The following CUEDC1 variants were observed in gnomAD, a reference collection of about 807,000 sequenced individuals.
The protein encoded by CUEDC1 is CUE domain containing 1.
A neutral mutation model predicts 43.7 loss-of-function variants in CUEDC1; 30 were observed. The observed-to-expected ratio is 0.69, with a 90% CI of 0.51 to 0.93. The LOEUF (loss-of-function observed/expected upper bound fraction) is 0.93. Among genes scored for constraint, CUEDC1 ranks in the 40% least tolerant of loss-of-function variants. The pLI is 0.00. For missense variants in CUEDC1, 486 were observed against 549.0 expected, an observed-to-expected ratio of 0.89 and a Z score of 1.15; for synonymous variants, 223 against 223.6, an observed-to-expected ratio of 1.00 and a Z score of 0.02.
intron 1 of CUEDC1, among the ~76,000 whole-genome samples, chr17:57,925,430 C>G (rs8082319): frequency 0.25 from 37,352 of 151,918 alleles, 4,950 homozygotes; most frequent in African/African-American, 0.34. Flanking sequence ...CAAGCCAGTG[C>G]GGTACCCTTC....
chr17:57,884,868 C>T (rs1242037687), intron 2 of CUEDC1, among the ~76,000 whole-genome samples: 1 of 152,232 alleles, frequency 6.6e-6, no homozygotes, highest in East Asian at 1.9e-4. Context: ...CTAGCGGACT[C>T]TACGCCTGAT....
In CUEDC1 at chr17:57,897,654, G is replaced by GAA. The variant is rs58748550; in HGVS notation, c.-315-11777_-315-11776dup. ...CACTGCACTCCAGCCTGGTCTCAATGAAAAAAAAAAAAAAAAAAAGTTTTT... is the reference window on the plus strand; with the variant it reads ...CACTGCACTCCAGCCTGGTCTCAATGAAAAAAAAAAAAAAAAAAAAAGTTTTT... On this transcript the variant is annotated intron_variant, in intron 1 of 10. Coordinates refer to ENST00000577830, the MANE Select transcript of CUEDC1 (RefSeq NM_001271875.2). Among the ~76,000 whole-genome samples the GAA allele has an allele frequency of 5.6e-4, 61 of 109,580 alleles. No homozygotes were observed. In the South Asian group the frequency reaches 5.6e-3, roughly 10 times the overall value. The allele number at this position is 109,580 out of a possible 152,430, so 71.9% of individuals were successfully genotyped here.
At chr17:57,872,164 G>A (rs772344362) in intron 5 of CUEDC1, among the ~76,000 whole-genome samples, 1 of 152,228 alleles carries the variant, frequency 6.6e-6, no homozygotes, top group Non-Finnish European at 1.5e-5. Flanking sequence ...AGGCAGCCAG[G>A]CTAGGGAGCA....
chr17:57,934,220 C>T (rs2074837347), intron 1 of CUEDC1, among the ~76,000 whole-genome samples: 1 of 151,984 alleles, frequency 6.6e-6, no homozygotes, highest in African/African-American at 2.4e-5. Context: ...GGTGAAAGCC[C>T]GTCTCTACTA....
intron 1 of CUEDC1, among the ~76,000 whole-genome samples, chr17:57,899,143 C>T (rs917999224): frequency 2.0e-5 from 3 of 152,142 alleles, no homozygotes; most frequent in Admixed American, 6.5e-5. Flanking sequence ...GGCTGGGAGG[C>T]CGCCCGCCTC....
chr17:57,933,759 A>G (rs1423684353), intron 1 of CUEDC1, among the ~76,000 whole-genome samples: 8 of 152,174 alleles, frequency 5.3e-5, no homozygotes, highest in African/African-American at 1.2e-4. Context: ...CGGATGCTGC[A>G]TTCCCCAGGC....
intron 1 of CUEDC1, among the ~76,000 whole-genome samples, chr17:57,900,502 A>C (rs538141229): frequency 6.6e-6 from 1 of 152,266 alleles, no homozygotes; most frequent in Non-Finnish European, 1.5e-5. Context: ...TTAAACAGAA[A>C]CCTGCCCTCA....
intron 1 of CUEDC1, among the ~76,000 whole-genome samples, chr17:57,887,054 C>A (rs2074299931): frequency 6.6e-6 from 1 of 152,122 alleles, no homozygotes; most frequent in Non-Finnish European, 1.5e-5. Context: ...ATCTCCTGAC[C>A]TCGTGATCTG....
chr17:57,911,154 C>A (rs1175841550), intron 1 of CUEDC1, among the ~76,000 whole-genome samples: 1 of 152,180 alleles, frequency 6.6e-6, no homozygotes, highest in African/African-American at 2.4e-5. Flanking sequence ...TGGCCTCCAC[C>A]CCCAGAGTTC....
intron 1 of CUEDC1, among the ~76,000 whole-genome samples, chr17:57,940,753 C>CA (rs2074909817): frequency 6.6e-6 from 1 of 152,154 alleles, no homozygotes; most frequent in African/African-American, 2.4e-5. Context: ...GCAACAGTGC[C>CA]AGGTGCTGTC....
chr17:57,919,970 G>A (rs772677909), intron 1 of CUEDC1, among the ~76,000 whole-genome samples: 6 of 152,126 alleles, frequency 3.9e-5, no homozygotes, highest in South Asian at 4.1e-4. Context: ...TTTATCGAGC[G>A]CTCACTATGT....
chr17:57,950,903 G>A (rs1305255858), intron 1 of CUEDC1, among the ~76,000 whole-genome samples: 1 of 152,158 alleles, frequency 6.6e-6, no homozygotes, highest in East Asian at 1.9e-4. Flanking sequence ...CCTTCTCACT[G>A]GTTATGCCTC....
chr17:57,876,545 C>T (rs1157335133), intron 3 of CUEDC1, among the ~76,000 whole-genome samples: 8 of 152,228 alleles, frequency 5.3e-5, no homozygotes, highest in Non-Finnish European at 7.3e-5. Context: ...TGGCTCAGCA[C>T]GTGGTTCACA....
At chr17:57,884,664 G>C (rs935898731) in intron 2 of CUEDC1, among the ~76,000 whole-genome samples, 3 of 152,102 alleles carry the variant, frequency 2.0e-5, no homozygotes, top group Admixed American at 6.5e-5. Context: ...CCCTTCCCCC[G>C]GCTTCACTCT....
chr17:57,904,663 C>A (rs1332723375), intron 1 of CUEDC1, among the ~76,000 whole-genome samples: 1 of 152,156 alleles, frequency 6.6e-6, no homozygotes, highest in South Asian at 2.1e-4. Context: ...GAGAGCTTAA[C>A]CTTGAGGCCT....
At chr17:57,896,487 GGTGT>G (rs1555660568) in intron 1 of CUEDC1, among the ~76,000 whole-genome samples, 3,326 of 130,254 alleles carry the variant, frequency 0.026, 121 homozygotes, top group African/African-American at 0.082. Context: ...TGCATTATGG[GGTGT>G]GTGTGTGTGT....
At chr17:57,929,658 T>A (rs2074784487) in intron 1 of CUEDC1, among the ~76,000 whole-genome samples, 1 of 152,140 alleles carries the variant, frequency 6.6e-6, no homozygotes, top group Non-Finnish European at 1.5e-5. Context: ...ATATTGTCCT[T>A]CACCTCAGAT....
At chr17:57,874,848 C>A (rs1157529343) in intron 3 of CUEDC1, among the ~76,000 whole-genome samples, 3 of 139,572 alleles carry the variant, frequency 2.1e-5, no homozygotes, top group Non-Finnish European at 1.6e-5. Context: ...CTATTTCGGG[C>A]GGGTGGCCGG....
At chr17:57,887,872 A>AT (rs954616285) in intron 1 of CUEDC1, among the ~76,000 whole-genome samples, 1 of 114,748 alleles carries the variant, frequency 8.7e-6, no homozygotes, top group East Asian at 2.5e-4. Flanking sequence ...CTACATCTCG[A>AT]TTTTTTCTTT....
Sources: allele counts gnomAD v4.1 joint callset (sites outside exome capture counted in the v4.1 genomes callset), GRCh38; gene constraint gnomAD v4.1.1; transcripts MANE v1.5; gene names NCBI Gene and HGNC (gene_info 2026-07-23, HGNC 2026-07-21).